SPAG1: variants seen among roughly 807,000 people sequenced by gnomAD.
SPAG1 encodes sperm-associated antigen 1.
A neutral mutation model predicts 100.5 loss-of-function variants in SPAG1; 69 were observed. The observed-to-expected ratio is 0.69, with a 90% CI of 0.57 to 0.84. SPAG1 has a LOEUF of 0.84. SPAG1 is among the 40% of genes least tolerant of loss of function. SPAG1 has a pLI of 0.00. For missense variants in SPAG1, 955 were observed against 1,133.1 expected (o/e 0.84, Z 2.26); for synonymous variants, 336 against 411.6 (o/e 0.82, Z 2.22).
chr8:100,223,344 G>A (rs1818363777), intron 13 of SPAG1, among the ~76,000 whole-genome samples: 1 of 151,912 alleles, frequency 6.6e-6, no homozygotes, highest in African/African-American at 2.4e-5. Flanking sequence ...TATTATATTT[G>A]TTATATGTAC....
intron 4 of SPAG1, among the ~76,000 whole-genome samples, chr8:100,180,690 G>T (rs1816329732): frequency 6.6e-6 from 1 of 152,130 alleles, no homozygotes; most frequent in Non-Finnish European, 1.5e-5. Context: ...GCAGAAATTT[G>T]GCTATTATCT....
chr8:100,202,538 G>T (rs1256007990), intron 10 of SPAG1, among the ~76,000 whole-genome samples: 1 of 149,464 alleles, frequency 6.7e-6, no homozygotes, highest in Non-Finnish European at 1.5e-5. Flanking sequence ...GTGAAACCCC[G>T]TCTCTACTAA....
Position 100,241,625 on chromosome 8 carries a change from A to T in SPAG1, c.*603A>T, listed in dbSNP as rs1224589806. On this transcript the variant is annotated 3_prime_UTR_variant, in exon 19 of 19. Coordinates refer to ENST00000388798, the MANE Select transcript of SPAG1 (RefSeq NM_003114.5). The surrounding 1 kb of genome is among the most constrained non-coding windows in gnomAD (Gnocchi z 5.1). ...ATAATTAAGAACAAAAATTGCCAAA[A>T]ATTTCTACCACTTTTTACTAGATTT... The T allele has an allele frequency of 6.6e-6, 1 of 152,134 alleles. No homozygotes were observed. The highest frequency in any genetic ancestry group is 2.4e-5 in the African/African-American group (1 of 41,432). The allele number at this position is 152,134 out of a possible 1,614,324, so 9.4% of individuals were successfully genotyped here.
rs933793108 is a variant in SPAG1 at position 100,191,428 on chromosome 8, A to T, written c.871A>T (p.Lys291Ter). 1.2e-6 allele frequency: 2 copies of T among 1,613,904 alleles called. No homozygotes were observed. The highest frequency in any genetic ancestry group is 2.7e-5 in the African/African-American group (2 of 74,918). Reference sequence around the variant, plus strand: ...TGCTACTACATATAAACATCAAAACAAGCTCCGGGAAGCTACAGAAGATTT... The same window carrying T: ...TGCTACTACATATAAACATCAAAACTAGCTCCGGGAAGCTACAGAAGATTT... ...RRATTYKHQN[K>*]LREATEDLSK... The change falls in exon 9 of 19, where the codon AAG (lysine) becomes TAG (stop). Residue 291 changes from lysine (K) to a stop codon, truncating the protein, a stop_gained. Coordinates refer to ENST00000388798, the MANE Select transcript of SPAG1 (RefSeq NM_003114.5). LOFTEE classifies it high-confidence loss of function.
chr8:100,240,635 C>T lies in SPAG1; in HGVS notation c.2513C>T (p.Pro838Leu), dbSNP rs767575038. 13 of 1,613,858 alleles carry T rather than the reference C, an allele frequency of 8.1e-6. No homozygotes were observed. The highest frequency in any genetic ancestry group is 4.0e-5 in the African/African-American group (3 of 74,902). Residue 838 changes from proline (P) to leucine (L), a missense_variant, in exon 18 of 19, where the codon CCG (proline) becomes CTG (leucine). Coordinates refer to ENST00000388798, the MANE Select transcript of SPAG1 (RefSeq NM_003114.5). ...LLAITAPKDL[P>L]MFLSNKLEGD... is the part of the protein sequence containing the mutation. ...GCCATCACTGCACCAAAAGATTTGC[C>T]GATGTTTTTAAGTAACAAACTTGAA... is the stretch of plus-strand genomic sequence containing the variant.
At chr8:100,189,633 G>A (rs1255777264) in intron 8 of SPAG1, among the ~76,000 whole-genome samples, 2 of 152,004 alleles carry the variant, frequency 1.3e-5, no homozygotes, top group Non-Finnish European at 1.5e-5. Context: ...TCAGCCTAGG[G>A]GACAAAGAAA....
chr8:100,190,537 T>C (rs1816768972), intron 8 of SPAG1, among the ~76,000 whole-genome samples: 1 of 152,142 alleles, frequency 6.6e-6, no homozygotes. Context: ...ACTGACTTAA[T>C]CATCAGGATT....
intron 10 of SPAG1, among the ~76,000 whole-genome samples, chr8:100,204,364 A>G (rs1232779301): frequency 1.3e-5 from 2 of 152,202 alleles, no homozygotes; most frequent in Admixed American, 1.3e-4. Context: ...TCTAATTTAT[A>G]TAAACAGAAA....
chr8:100,184,871 T>G, intron 7 of SPAG1, 138 bp downstream of exon 7: 1 of 594,194 alleles, frequency 1.7e-6, no homozygotes, highest in South Asian at 2.2e-5. Flanking sequence ...ATATATTCAC[T>G]TGTGTTTCTC....
chr8:100,197,205 T>C (rs867288433), intron 10 of SPAG1, among the ~76,000 whole-genome samples: 1 of 152,090 alleles, frequency 6.6e-6, no homozygotes, highest in Non-Finnish European at 1.5e-5. Context: ...GCACTCATAG[T>C]CCCAGGGAGC....
chr8:100,207,275 C>T (rs1817550248), intron 10 of SPAG1, among the ~76,000 whole-genome samples: 1 of 152,142 alleles, frequency 6.6e-6, no homozygotes, highest in South Asian at 2.1e-4. Context: ...GTTCTGAAGG[C>T]ACAAATAAGT....
At chr8:100,170,160 C>T (rs1001768266) in intron 3 of SPAG1, among the ~76,000 whole-genome samples, 8 of 152,098 alleles carry the variant, frequency 5.3e-5, no homozygotes, top group Non-Finnish European at 1.2e-4. Flanking sequence ...ATTGAGGTTT[C>T]GGATCCATGA....
At chr8:100,221,796 A>G (rs1818293687) in intron 13 of SPAG1, among the ~76,000 whole-genome samples, 1 of 152,208 alleles carries the variant, frequency 6.6e-6, no homozygotes, top group Admixed American at 6.5e-5. Context: ...GAGACCTTAA[A>G]CAAAATTGTA....
At position 100,225,252 on chromosome 8, in the gene SPAG1, G is replaced by T; in HGVS notation, c.1768G>T (p.Val590Leu). The change falls in exon 14 of 19, where the codon GTG becomes TTG. Residue 590 changes from valine (V) to leucine (L), a missense_variant. Physicochemically the swap from Val to Leu is conservative, Grantham distance 32 (BLOSUM62 1). Transcript: ENST00000388798. ...LSPIPAVPAS[V>L]PLQAWHPAKE... is the part of the protein sequence containing the mutation. ...ACCTATTCCTGCTGTGCCTGCTTCT[G>T]TGCCACTGCAAGCTTGGCATCCGGC... 1 of 1,613,856 alleles carries T rather than the reference G, an allele frequency of 6.2e-7. No homozygotes were observed. Among genetic ancestry groups the T allele is most frequent in the African/African-American group, 1.3e-5 (1 of 74,954 alleles).
chr8:100,184,643 A>C lies in SPAG1; in HGVS notation c.611A>C (p.Glu204Ala). Residue 204 changes from glutamate to alanine, a missense_variant, in exon 7 of 19, where the codon GAA (glutamate) becomes GCA (alanine). Transcript: ENST00000388798. ...RIDTAGLTEK[E>A]KDFLATREKE... is the part of the protein sequence containing the mutation. The stretch of plus-strand genomic sequence containing the variant: ...TTATTTCTAGGTCTAACTGAGAAAG[A>C]AAAGGATTTTCTTGCCACTCGTGAA... The C allele has an allele frequency of 6.4e-7, 1 of 1,573,632 alleles. No homozygotes were observed. The highest frequency in any genetic ancestry group is 8.6e-7 in the Non-Finnish European group (1 of 1,165,166).
chr8:100,161,043 A>G (rs984512405), intron 1 of SPAG1, among the ~76,000 whole-genome samples: 1 of 152,172 alleles, frequency 6.6e-6, no homozygotes, highest in African/African-American at 2.4e-5. Flanking sequence ...CTTTTTCTAC[A>G]GAAGTACCTA....
Position 100,240,568 on chromosome 8 carries a change from C to G in SPAG1, c.2446C>G (p.Leu816Val), listed in dbSNP as rs1221177130. The change falls in exon 18 of 19, where the codon CTC becomes GTC. Residue 816 changes from leucine to valine, a missense_variant. Transcript: ENST00000388798. ...AYEFGQIINA[L>V]STRKDKEACA... ...TGAATTTGGTCAGATTATAAATGCT[C>G]TCAGTACCAGGAAGGATAAAGAAGC... The G allele has an allele frequency of 3.7e-6, 6 of 1,613,920 alleles. No homozygotes were observed. Among genetic ancestry groups the G allele is most frequent in the South Asian group, 1.1e-5 (1 of 91,076 alleles).
chr8:100,167,338 C>T (rs1815606404), intron 3 of SPAG1, among the ~76,000 whole-genome samples: 1 of 152,058 alleles, frequency 6.6e-6, no homozygotes, highest in Admixed American at 6.6e-5. Context: ...GTACTGAAGC[C>T]TAAATATACC....
intron 13 of SPAG1, 59 bp from the exon 14 acceptor site, chr8:100,225,114 C>A: frequency 7.1e-7 from 1 of 1,402,184 alleles, no homozygotes; most frequent in South Asian, 1.2e-5. Flanking sequence ...TTAATCTGAC[C>A]TTCAGTAATA....
Sources: allele counts gnomAD v4.1 joint callset (sites outside exome capture counted in the v4.1 genomes callset), GRCh38; gene constraint gnomAD v4.1.1; non-coding constraint Gnocchi (gnomAD v3.1); transcripts MANE v1.5; gene names NCBI Gene and HGNC (gene_info 2026-07-23, HGNC 2026-07-21).